CR2: variants seen among roughly 807,000 people sequenced by gnomAD.
CR2 encodes the protein complement receptor type 2.
A neutral mutation model predicts 123.0 loss-of-function variants in CR2; 96 were observed. That is an observed-to-expected ratio of 0.78 (90% CI 0.66 to 0.93). The LOEUF is 0.93. Among genes scored for constraint, CR2 ranks in the 40% least tolerant of loss-of-function variants. CR2 has a pLI of 0.00. For synonymous variants in CR2, 484 were observed against 469.5 expected (o/e 1.03, Z -0.40); for missense variants, 1,258 against 1,361.0 (o/e 0.92, Z 1.19).
chr1:207,472,907 T>C lies in CR2; in HGVS notation c.1706T>C (p.Ile569Thr). 3.1e-6 allele frequency: 5 copies of C among 1,614,082 alleles called. No individual in the cohort carries two copies. The highest frequency in any genetic ancestry group is 1.1e-5 in the South Asian group (1 of 91,088). ...GPERGVEFSL[I>T]GESTIRCTSN... Reference sequence around the variant, plus strand: ...GAAAGAGGAGTGGAATTCAGCCTCATTGGAGAGAGCACCATCCGTTGTACA... The same window carrying C: ...GAAAGAGGAGTGGAATTCAGCCTCACTGGAGAGAGCACCATCCGTTGTACA... The change falls in exon 10 of 20, where the codon ATT becomes ACT. Residue 569 changes from isoleucine (I) to threonine (T), a missense_variant. By Grantham distance (89) the Ile-to-Thr change is moderately conservative. Coordinates refer to ENST00000367057, the MANE Select transcript of CR2 (RefSeq NM_001006658.3).
intron 18 of CR2, 88 bp downstream of exon 18, chr1:207,480,141 T>C (rs1658564583): frequency 5.2e-6 from 5 of 965,172 alleles, no homozygotes; most frequent in Middle Eastern, 2.1e-4. Context: ...GCACAAGTTA[T>C]GTGAAATAAA....
intron 14 of CR2, 80 bp downstream of exon 14, chr1:207,475,296 T>C: frequency 6.6e-7 from 1 of 1,507,770 alleles, no homozygotes; most frequent in Non-Finnish European, 9.0e-7. Context: ...CTTGACATTC[T>C]GCCTAAAGAA....
chr1:207,467,978 A>G (rs1292111838), intron 2 of CR2, among the ~76,000 whole-genome samples: 1 of 151,716 alleles, frequency 6.6e-6, no homozygotes, highest in Admixed American at 6.6e-5. Flanking sequence ...GGAACAGAGA[A>G]TAAGCTTAAG....
intron 15 of CR2, 48 bp from the exon 16 acceptor site, chr1:207,477,837 A>G: frequency 6.3e-7 from 1 of 1,585,410 alleles, no homozygotes; most frequent in Non-Finnish European, 8.6e-7. Context: ...CTTTCTTGGT[A>G]AAAGGCCAAA....
In CR2 at chr1:207,478,172, G is replaced by A. The variant is rs1256083994; in HGVS notation, c.3088+102G>A. ...GAGTCCTGGGTTTTAAATTGACATA[G>A]GTTTGTGACCAGTTGTATAATTACA... On this transcript the variant is annotated intron_variant, in intron 16 of 19. Transcript: ENST00000367057. 3 of 1,238,474 alleles carry A rather than the reference G, an allele frequency of 2.4e-6. No homozygotes were observed. In the African/African-American group the frequency reaches 4.5e-5, roughly 19 times the overall value. The allele number at this position is 1,238,474 out of a possible 1,614,324, so 76.7% of individuals were successfully genotyped here.
chr1:207,471,087 G>T lies in CR2; in HGVS notation c.1493G>T (p.Gly498Val). The T allele has an allele frequency of 3.7e-6, 6 of 1,613,466 alleles. No homozygotes were observed. Among genetic ancestry groups the T allele is most frequent in the Non-Finnish European group, 5.1e-6 (6 of 1,179,774 alleles). The change falls in exon 8 of 20, where the codon GGG becomes GTG. Residue 498 changes from glycine to valine, a missense_variant and splice_region_variant. Gly to Val is a moderately radical substitution (Grantham distance 109). Coordinates refer to ENST00000367057, the MANE Select transcript of CR2 (RefSeq NM_001006658.3). ...RPDVNSSCGEGYKLSGSVYQE... is the reference protein window; with the variant it reads ...RPDVNSSCGEVYKLSGSVYQE... The stretch of plus-strand genomic sequence containing the variant: ...GATGTCAACTCTTCTTGTGGTGAAG[G>T]GTGAGTGAAGGCTGACTTAGTCTGA...
At chr1:207,466,012 A>G (rs1658088370) in intron 1 of CR2, among the ~76,000 whole-genome samples, 1 of 152,214 alleles carries the variant, frequency 6.6e-6, no homozygotes, top group African/African-American at 2.4e-5. Flanking sequence ...TTCTCTGTTC[A>G]TGTACTTTTA....
intron 16 of CR2, 98 bp downstream of exon 16, chr1:207,478,168 CAT>C (rs2102309903): frequency 7.8e-7 from 1 of 1,287,500 alleles, no homozygotes; most frequent in African/African-American, 1.5e-5. Context: ...TTTAAATTGA[CAT>C]AGGTTTGTGA....
At position 207,473,732 on chromosome 1, in the gene CR2, T is replaced by C; in HGVS notation, c.2155+11T>C. 6.2e-7 allele frequency: 1 copy of C among 1,613,986 alleles called. No individual in the cohort carries two copies. The highest frequency in any genetic ancestry group is 8.5e-7 in the Non-Finnish European group (1 of 1,179,872). ...CCCCACGGTGTGAAGGTACTTTAAG[T>C]TCCAGAGTTGTCCTTCTCTTTGATA... On this transcript the variant is annotated intron_variant, in intron 11 of 19. Coordinates refer to ENST00000367057, the MANE Select transcript of CR2 (RefSeq NM_001006658.3).
At chr1:207,467,075 A>T (rs951079469) in intron 2 of CR2, among the ~76,000 whole-genome samples, 163 bp downstream of exon 2, 3 of 152,200 alleles carry the variant, frequency 2.0e-5, no homozygotes, top group Non-Finnish European at 4.4e-5. Context: ...TCGTGGAGGC[A>T]TATAACTGCT....
Position 207,475,235 on chromosome 1 carries a change from A to C in CR2, c.2716+19A>C. On this transcript the variant is annotated intron_variant, in intron 14 of 19. Coordinates refer to ENST00000367057, the MANE Select transcript of CR2 (RefSeq NM_001006658.3). ...AAAAAAGGTAAGATACTTGGAAGGG[A>C]TAAGTTATGGGATGTTGTACAGAAT... 4 of 1,613,670 alleles carry C rather than the reference A, an allele frequency of 2.5e-6. No homozygotes were observed. Among genetic ancestry groups the C allele is most frequent in the Non-Finnish European group, 3.4e-6 (4 of 1,179,744 alleles).
In CR2 at chr1:207,454,603, C is replaced by T. The variant is rs1380317870; in HGVS notation, c.58+127C>T. 10 of 739,214 alleles carry T rather than the reference C, an allele frequency of 1.4e-5. No individual in the cohort carries two copies. The highest frequency in any genetic ancestry group is 1.3e-4 in the African/African-American group (7 of 54,508). The allele number at this position is 739,214 out of a possible 1,614,324, so 45.8% of individuals were successfully genotyped here. On this transcript the variant is annotated intron_variant, in intron 1 of 19. Transcript: ENST00000367057. The surrounding 1 kb of genome is among the most constrained non-coding windows in gnomAD (Gnocchi z 4.3). ...CAGTGCTCGACGCGTGTCCGCCTCC[C>T]GCTAGCTTTGAGGGACCACTGCAAT...
chr1:207,469,366 AG>A, intron 5 of CR2, 134 bp downstream of exon 5: 2 of 810,322 alleles, frequency 2.5e-6, no homozygotes, highest in Non-Finnish European at 4.2e-6. Context: ...GCTTCACCAA[AG>A]CATCCTTATT....
Position 207,478,078 on chromosome 1 carries a change from C to T in CR2, c.3088+8C>T. 2 of 1,612,698 alleles carry T rather than the reference C, an allele frequency of 1.2e-6. No individual in the cohort carries two copies. Among genetic ancestry groups the T allele is most frequent in the Non-Finnish European group, 1.7e-6 (2 of 1,179,322 alleles). On this transcript the variant is annotated splice_region_variant and intron_variant, in intron 16 of 19. Coordinates refer to ENST00000367057, the MANE Select transcript of CR2 (RefSeq NM_001006658.3). ...TGGCGGTTTGCAGATCCCGTAAGTACCAAGGGCTTCACCGCCGCTTGTAAC... is the reference window on the plus strand; with the variant it reads ...TGGCGGTTTGCAGATCCCGTAAGTATCAAGGGCTTCACCGCCGCTTGTAAC...
At chr1:207,483,963 G>A (rs1042200650) in intron 18 of CR2, among the ~76,000 whole-genome samples, 2 of 152,126 alleles carry the variant, frequency 1.3e-5, no homozygotes, top group Admixed American at 1.3e-4. Flanking sequence ...GAGGCAGGGG[G>A]AAAACTAGCA....
In CR2 at chr1:207,466,740, C is replaced by T; in HGVS notation, c.273C>T (p.Cys91=). The T allele has an allele frequency of 6.2e-7, 1 of 1,614,016 alleles. No individual in the cohort carries two copies. Among genetic ancestry groups the T allele is most frequent in the South Asian group, 1.1e-5 (1 of 91,076 alleles). Reference sequence around the variant, plus strand: ...AATATTTCAATAAATATTCTTCTTGCCCTGAGCCCATAGTACCAGGAGGAT... The same window carrying T: ...AATATTTCAATAAATATTCTTCTTGTCCTGAGCCCATAGTACCAGGAGGAT... ...KCEYFNKYSS[C]PEPIVPGGYK... Residue 91 remains cysteine, a synonymous_variant, in exon 2 of 20, where the codon TGC becomes TGT. Coordinates refer to ENST00000367057, the MANE Select transcript of CR2 (RefSeq NM_001006658.3).
Position 207,454,604 on chromosome 1 carries a change from G to T in CR2, c.58+128G>T. The T allele has an allele frequency of 1.8e-5, 13 of 736,030 alleles. No homozygotes were observed. Among genetic ancestry groups the T allele is most frequent in the Non-Finnish European group, 2.8e-5 (13 of 464,316 alleles). The allele number at this position is 736,030 out of a possible 1,614,324, so 45.6% of individuals were successfully genotyped here. ...AGTGCTCGACGCGTGTCCGCCTCCCGCTAGCTTTGAGGGACCACTGCAATA... is the reference window on the plus strand; with the variant it reads ...AGTGCTCGACGCGTGTCCGCCTCCCTCTAGCTTTGAGGGACCACTGCAATA... On this transcript the variant is annotated intron_variant, in intron 1 of 19. Transcript: ENST00000367057. The surrounding 1 kb of genome is among the most constrained non-coding windows in gnomAD (Gnocchi z 4.3).
At chr1:207,462,776 T>TA (rs1558187728) in intron 1 of CR2, among the ~76,000 whole-genome samples, 2 of 152,052 alleles carry the variant, frequency 1.3e-5, no homozygotes, top group Non-Finnish European at 1.5e-5. Flanking sequence ...GAGGATGAGT[T>TA]ACAAAAAGGA....
Position 207,468,887 on chromosome 1 carries a change from T to A in CR2, c.722T>A (p.Phe241Tyr). The change falls in exon 4 of 20, where the codon TTC (phenylalanine) becomes TAC (tyrosine). Residue 241 changes from phenylalanine (F) to tyrosine (Y), a missense_variant. Coordinates refer to ENST00000367057, the MANE Select transcript of CR2 (RefSeq NM_001006658.3). ...ILRVGVTANFFCDEGYRLQGP... is the reference protein window; with the variant it reads ...ILRVGVTANFYCDEGYRLQGP... ...CGGGTTGGTGTAACTGCAAACTTTT[T>A]CTGTGATGAAGGGTGAGTGTCAGGA... The A allele has an allele frequency of 6.2e-7, 1 of 1,613,930 alleles. No individual in the cohort carries two copies. Among genetic ancestry groups the A allele is most frequent in the Non-Finnish European group, 8.5e-7 (1 of 1,179,858 alleles).
Sources: allele counts gnomAD v4.1 joint callset (sites outside exome capture counted in the v4.1 genomes callset), GRCh38; gene constraint gnomAD v4.1.1; non-coding constraint Gnocchi (gnomAD v3.1); transcripts MANE v1.5; gene names NCBI Gene and HGNC (gene_info 2026-07-23, HGNC 2026-07-21).